CSGALNACT1: variants seen among roughly 807,000 people sequenced by gnomAD.
The protein encoded by CSGALNACT1 is chondroitin sulfate N-acetylgalactosaminyltransferase 1, also known as beta4GalNAcT-1.
CSGALNACT1 carries 52 observed loss-of-function variants against 51.0 expected under a neutral mutation model. The ratio of observed to expected loss-of-function variants is 1.02; its 90% CI spans 0.82 to 1.29. CSGALNACT1 has a LOEUF of 1.29. Among genes scored for constraint, CSGALNACT1 ranks in the 50% most tolerant of loss-of-function variants. The probability of loss-of-function intolerance (pLI) is 0.00; values close to 1 mark genes in which losing one functional copy is unlikely to be tolerated. For synonymous variants in CSGALNACT1, 341 were observed against 254.4 expected (o/e 1.34, Z -3.24); for missense variants, 935 against 679.2 (o/e 1.38, Z -4.19).
intron 4 of CSGALNACT1, among the ~76,000 whole-genome samples, chr8:19,477,477 C>G (rs2070036634): frequency 6.6e-6 from 1 of 152,164 alleles, no homozygotes; most frequent in African/African-American, 2.4e-5. Context: ...ACAAAGACCC[C>G]TGATTAAGTA....
At position 19,533,948 on chromosome 8, in the gene CSGALNACT1, C is replaced by T. The variant is rs77567953; in HGVS notation, c.-296-27818G>A. ...TACTATTACACCAAAATAATCTCCC[C>T]AGATTTTTTGGCATGTCTCTCCCTA... On this transcript the variant is annotated intron_variant, in intron 3 of 9. Transcript: ENST00000454498. Among the ~76,000 whole-genome samples the T allele has an allele frequency of 2.7e-4, 41 of 152,190 alleles. No homozygotes were observed. In the East Asian group the frequency reaches 7.7e-3, roughly 29 times the overall value.
At chr8:19,692,429 C>T (rs150597109) in intron 1 of CSGALNACT1, among the ~76,000 whole-genome samples, 1 of 152,326 alleles carries the variant, frequency 6.6e-6, no homozygotes, top group East Asian at 1.9e-4. Context: ...ATGAAGATAA[C>T]ACAATGTTCT....
intron 3 of CSGALNACT1, among the ~76,000 whole-genome samples, chr8:19,539,901 A>C (rs1248987474): frequency 6.6e-6 from 1 of 152,188 alleles, no homozygotes; most frequent in Non-Finnish European, 1.5e-5. Context: ...CCTATGAGGT[A>C]GCCTGGAAAG....
At chr8:19,598,635 T>C (rs1215319687) in intron 2 of CSGALNACT1, among the ~76,000 whole-genome samples, 1 of 152,210 alleles carries the variant, frequency 6.6e-6, no homozygotes, top group Non-Finnish European at 1.5e-5. Context: ...CTAGCGGAAC[T>C]GCAAAGGGCC....
In CSGALNACT1 at chr8:19,439,816, C is replaced by T. The variant is rs146884891; in HGVS notation, c.953+14G>A. ...TTACCAGGATTCCTTATGACAGCTCCGTATTGTACTCACTTGGAAGTGTTT... is the reference window on the plus strand; with the variant it reads ...TTACCAGGATTCCTTATGACAGCTCTGTATTGTACTCACTTGGAAGTGTTT... On this transcript the variant is annotated intron_variant, in intron 6 of 9. Transcript: ENST00000454498. 522 of 1,594,978 alleles carry T rather than the reference C, an allele frequency of 3.3e-4. No homozygotes were observed. The African/African-American group carries it at 6.3e-3, about 19-fold the overall frequency.
chr8:19,537,478 A>C (rs2084028523), intron 3 of CSGALNACT1, among the ~76,000 whole-genome samples: 1 of 152,144 alleles, frequency 6.6e-6, no homozygotes, highest in Non-Finnish European at 1.5e-5. Flanking sequence ...AATATTCATG[A>C]CTTATTATTC....
chr8:19,584,015 C>A lies in CSGALNACT1; in HGVS notation c.-297+7145G>T, dbSNP rs189612354. On this transcript the variant is annotated intron_variant, in intron 3 of 9. Coordinates refer to ENST00000454498, the Ensembl canonical transcript of CSGALNACT1. ...TAACACATAAGCACAAACTGGGCCA[C>A]ATCTAATAGTCTGCTACATTCATAG... is the stretch of plus-strand genomic sequence containing the variant. Among the ~76,000 whole-genome samples, 104 of 152,282 alleles carry A rather than the reference C, an allele frequency of 6.8e-4. 1 individual carries two copies. Among genetic ancestry groups the A allele is most frequent in the Middle Eastern group, 6.8e-3 (2 of 294 alleles).
At chr8:19,578,251 C>G (rs995978552) in intron 3 of CSGALNACT1, among the ~76,000 whole-genome samples, 1 of 152,166 alleles carries the variant, frequency 6.6e-6, no homozygotes, top group African/African-American at 2.4e-5. Flanking sequence ...CATTATCACT[C>G]TCAAAAGTCC....
intron 3 of CSGALNACT1, among the ~76,000 whole-genome samples, chr8:19,553,985 A>G (rs1564021508): frequency 6.6e-6 from 1 of 152,172 alleles, no homozygotes; most frequent in Admixed American, 6.5e-5. Flanking sequence ...ATAGAGAAAA[A>G]TAAGAAAAGA....
At chr8:19,501,246 C>CAAAAAA (rs35069773) in intron 4 of CSGALNACT1, among the ~76,000 whole-genome samples, 71 of 83,544 alleles carry the variant, frequency 8.5e-4, no homozygotes, top group African/African-American at 1.3e-3. Flanking sequence ...GACTCCGTCT[C>CAAAAAA]AAAAAAAAAA....
chr8:19,418,820 G>C lies in CSGALNACT1; in HGVS notation c.1133-70C>G, dbSNP rs995910686. On this transcript the variant is annotated intron_variant, in intron 7 of 9. Transcript: ENST00000454498. ...GTAGTAGGTTTGTTCCTTGACATTTGGCCCTCTGAAACACCCCAGATATTT... is the reference window on the plus strand; with the variant it reads ...GTAGTAGGTTTGTTCCTTGACATTTCGCCCTCTGAAACACCCCAGATATTT... 5.3e-6 allele frequency: 6 copies of C among 1,132,620 alleles called. No individual in the cohort carries two copies. The African/African-American group carries it at 9.2e-5, about 17-fold the overall frequency. The allele number at this position is 1,132,620 out of a possible 1,614,324, so 70.2% of individuals were successfully genotyped here. A position where few individuals can be genotyped will look rare whatever the true frequency, so the allele number is the denominator to read the frequency against.
chr8:19,658,295 C>T (rs1173165680), intron 1 of CSGALNACT1, among the ~76,000 whole-genome samples: 1 of 152,122 alleles, frequency 6.6e-6, no homozygotes, highest in East Asian at 1.9e-4. Context: ...TCTTGGACTT[C>T]CCAACCCCCA....
chr8:19,506,680 C>T (rs1175798402), intron 3 of CSGALNACT1, among the ~76,000 whole-genome samples: 1 of 152,168 alleles, frequency 6.6e-6, no homozygotes, highest in Non-Finnish European at 1.5e-5. Flanking sequence ...AGTTGGCACT[C>T]TTAGCTCCCA....
At chr8:19,500,484 G>A (rs1466183449) in intron 4 of CSGALNACT1, among the ~76,000 whole-genome samples, 4 of 152,184 alleles carry the variant, frequency 2.6e-5, no homozygotes, top group African/African-American at 4.8e-5. Flanking sequence ...ATGGCACACT[G>A]ACATAAGGAC....
At chr8:19,669,752 G>A (rs1217436448) in intron 1 of CSGALNACT1, among the ~76,000 whole-genome samples, 1 of 152,214 alleles carries the variant, frequency 6.6e-6, no homozygotes, top group African/African-American at 2.4e-5. Flanking sequence ...TGGGATTACA[G>A]GCATGGGCCA....
intron 1 of CSGALNACT1, among the ~76,000 whole-genome samples, chr8:19,621,794 TAA>T (rs1317507773): frequency 6.6e-6 from 1 of 151,982 alleles, no homozygotes; most frequent in East Asian, 1.9e-4. Context: ...AAAATAAAAA[TAA>T]AAGAGTAAAA....
Position 19,666,828 on chromosome 8 carries a change from AG to A in CSGALNACT1, c.-544+15644del, listed in dbSNP as rs1179485715. Among the ~76,000 whole-genome samples, 34 of 42,184 alleles carry A rather than the reference AG, an allele frequency of 8.1e-4. 1 individual carries two copies. The highest frequency in any genetic ancestry group is 1.2e-3 in the Non-Finnish European group (25 of 20,314). The allele number at this position is 42,184 out of a possible 152,430, so 27.7% of individuals were successfully genotyped here. ...GAAAGAAAGAGAGAGAGAGAGAGAG[AG>A]AGAGAAAGAAAGAAAGAAAGAAAGA... On this transcript the variant is annotated intron_variant, in intron 1 of 9. Coordinates refer to the CSGALNACT1 transcript ENST00000332246.
chr8:19,676,609 A>G (rs1229023850), intron 1 of CSGALNACT1, among the ~76,000 whole-genome samples: 2 of 152,202 alleles, frequency 1.3e-5, no homozygotes, highest in Admixed American at 6.5e-5. Context: ...CATGCTGTGT[A>G]GTATAAGAAG....
At chr8:19,417,717 G>A (rs2057160667) in intron 8 of CSGALNACT1, among the ~76,000 whole-genome samples, 1 of 152,180 alleles carries the variant, frequency 6.6e-6, no homozygotes, top group Non-Finnish European at 1.5e-5. Context: ...CAGATGGGAA[G>A]GCCACCATGA....
Sources: gnomAD v4.1 joint callset for allele counts (sites outside exome capture counted in the v4.1 genomes callset) on GRCh38, gnomAD v4.1.1 for gene constraint, MANE v1.5 for transcripts, NCBI Gene and HGNC (gene_info 2026-07-23, HGNC 2026-07-21) for gene names.